Variants in RC3H2 observed in about 807,000 individuals in gnomAD.
RC3H2 encodes roquin-2.
RC3H2 carries 31 observed loss-of-function variants against 133.3 expected under a neutral mutation model. The observed-to-expected ratio is 0.23, with a 90% confidence interval of 0.17 to 0.31. RC3H2 has a LOEUF of 0.31. Ranked by LOEUF, RC3H2 falls within the 10% of genes least tolerant of loss-of-function variation. RC3H2 has a pLI of 1.00. For missense variants in RC3H2, 1,175 were observed against 1,437.2 expected, an observed-to-expected ratio of 0.82 and a Z score of 2.95; for synonymous variants, 517 against 502.2, an observed-to-expected ratio of 1.03 and a Z score of -0.40.
At chr9:122,894,112 A>G (rs1564318377) in intron 2 of RC3H2, among the ~76,000 whole-genome samples, 2 of 151,978 alleles carry the variant, frequency 1.3e-5, no homozygotes. Flanking sequence ...ACAAAAAATT[A>G]GCCGGGCGTG....
intron 4 of RC3H2, among the ~76,000 whole-genome samples, chr9:122,888,315 T>C (rs1832017808): frequency 1.3e-5 from 2 of 152,208 alleles, no homozygotes. Context: ...TTTTTAGGTA[T>C]TATTTTGATC....
In RC3H2 at chr9:122,875,423, A is replaced by T; in HGVS notation, c.1325+2048T>A. The T allele has an allele frequency of 2.0e-6, 3 of 1,463,716 alleles. No individual in the cohort carries two copies. The South Asian group carries it at 4.3e-5, about 21-fold the overall frequency. The allele number at this position is 1,463,716 out of a possible 1,614,324, so 90.7% of individuals were successfully genotyped here. ...CAGATCATGGGCCATAGTTTCTGTA[A>T]AGGGTTTTTATAAATAAAGTTTACA... On this transcript the variant is annotated intron_variant, in intron 9 of 20. Coordinates refer to ENST00000357244, the MANE Select transcript of RC3H2 (RefSeq NM_001100588.3).
rs764749498 is a variant in RC3H2 at position 122,859,974 on chromosome 9, A to G, written c.1792T>C (p.Tyr598His). ...ATCTGAGTCCTTGGATCTTGAAAAT[A>G]CTGAATGTTTTCAGAATGCGGAGGA... ...VYPPHSENIQ[Y>H]FQDPRTQIPF... The change falls in exon 11 of 21, where the codon TAT (tyrosine) becomes CAT (histidine). Residue 598 changes from tyrosine (Y) to histidine (H), a missense_variant. By Grantham distance (83) the Tyr-to-His change is moderately conservative. Around this residue, in one of 8 missense-constraint regions of RC3H2, gnomAD observed 490 missense variants for 492.8 expected, o/e 0.99. Transcript: ENST00000357244. The G allele has an allele frequency of 1.9e-6, 3 of 1,614,058 alleles. No individual in the cohort carries two copies. The South Asian group carries it at 3.3e-5, about 18-fold the overall frequency.
intron 1 of RC3H2, 25 bp downstream of exon 1, chr9:122,905,085 C>G: frequency 1.0e-6 from 1 of 985,282 alleles, no homozygotes; most frequent in Non-Finnish European, 1.2e-6. Context: ...GGGCCCGAGC[C>G]GCATCGTGCC....
intron 5 of RC3H2, 43 bp from the exon 6 acceptor site, chr9:122,880,837 T>C: frequency 7.0e-7 from 1 of 1,436,398 alleles, no homozygotes; most frequent in Non-Finnish European, 9.8e-7. Flanking sequence ...GTCTGTGCTT[T>C]CTCCCTTCAA....
At chr9:122,890,678 C>T (rs1832124265) in intron 3 of RC3H2, 133 bp from the exon 4 acceptor site, 3 of 660,010 alleles carry the variant, frequency 4.5e-6, no homozygotes, top group Non-Finnish European at 7.8e-6. Flanking sequence ...ATTTTTCTAA[C>T]AGTATTCTGT....
At position 122,849,573 on chromosome 9, in the gene RC3H2, G is replaced by C; in HGVS notation, c.*54C>G. ...ATAATATATATTATATATATAAAAAGCTAGTGTAAATGCTTCCATGGTGTG... is the reference window on the plus strand; with the variant it reads ...ATAATATATATTATATATATAAAAACCTAGTGTAAATGCTTCCATGGTGTG... On this transcript the variant is annotated 3_prime_UTR_variant, in exon 21 of 21. Transcript: ENST00000357244. The C allele has an allele frequency of 1.1e-6, 1 of 890,630 alleles. No individual in the cohort carries two copies. Among genetic ancestry groups the C allele is most frequent in the Non-Finnish European group, 1.7e-6 (1 of 592,792 alleles). The allele number at this position is 890,630 out of a possible 1,614,324, so 55.2% of individuals were successfully genotyped here.
chr9:122,875,947 G>C (rs1389690678), intron 9 of RC3H2, among the ~76,000 whole-genome samples: 2 of 152,214 alleles, frequency 1.3e-5, no homozygotes, highest in Non-Finnish European at 2.9e-5. Context: ...AGGGTGGTAT[G>C]AGTAAATCTG....
Position 122,849,799 on chromosome 9 carries a change from G to C in RC3H2, c.3404C>G (p.Pro1135Arg), listed in dbSNP as rs764724224. The C allele has an allele frequency of 4.5e-6, 7 of 1,566,880 alleles. No individual in the cohort carries two copies. In the East Asian group the frequency reaches 6.9e-5, roughly 15 times the overall value. ...TGGCTGGCTAAAGCAAGAAGTTACCGGCAGAATTGTTTTTTGCTCCTCCCT... is the reference window on the plus strand; with the variant it reads ...TGGCTGGCTAAAGCAAGAAGTTACCCGCAGAATTGTTTTTTGCTCCTCCCT... ...VILEEQKTIL[P>R]VTSCFSQPLP... The change falls in exon 21 of 21, where the codon CCG becomes CGG. Residue 1135 changes from proline to arginine, a missense_variant. Coordinates refer to ENST00000357244, the MANE Select transcript of RC3H2 (RefSeq NM_001100588.3).
At chr9:122,876,011 C>A (rs1030153964) in intron 9 of RC3H2, among the ~76,000 whole-genome samples, 1 of 151,784 alleles carries the variant, frequency 6.6e-6, no homozygotes, top group Non-Finnish European at 1.5e-5. Flanking sequence ...GGGTGGACAG[C>A]GAGAGATTTA....
chr9:122,880,711 A>G lies in RC3H2; in HGVS notation c.843T>C (p.Asp281=). 1 of 1,614,088 alleles carries G rather than the reference A, an allele frequency of 6.2e-7. No homozygotes were observed. The highest frequency in any genetic ancestry group is 8.5e-7 in the Non-Finnish European group (1 of 1,179,916). ...RSYEALRREH[D]AQIVHIAMEA... is the part of the protein sequence containing the mutation. ...CCATGGCAATATGAACAATTTGGGC[A>G]TCATGTTCTCTGCGTAATGCTTCAT... The change falls in exon 6 of 21, where the codon GAT becomes GAC. Residue 281 remains aspartate, a synonymous_variant. Transcript: ENST00000357244.
intron 9 of RC3H2, among the ~76,000 whole-genome samples, chr9:122,866,605 C>A (rs1830682274): frequency 6.6e-6 from 1 of 152,076 alleles, no homozygotes; most frequent in South Asian, 2.1e-4. Flanking sequence ...CGGGGTTTCA[C>A]TGTGTTGGCT....
chr9:122,854,292 A>G, intron 16 of RC3H2, 26 bp from the exon 17 acceptor site: 3 of 1,565,624 alleles, frequency 1.9e-6, no homozygotes, highest in Non-Finnish European at 2.6e-6. Flanking sequence ...TGTTTATTGT[A>G]ATAAAAGTGA....
At chr9:122,891,761 C>A (rs1344256379) in intron 3 of RC3H2, among the ~76,000 whole-genome samples, 1 of 152,188 alleles carries the variant, frequency 6.6e-6, no homozygotes, top group African/African-American at 2.4e-5. Flanking sequence ...ACATACACAA[C>A]AGTGCAAAGC....
At position 122,865,672 on chromosome 9, in the gene RC3H2, A is replaced by G. The variant is rs755208127; in HGVS notation, c.1326-15T>C. ...TTAATCGATACCTGTTTCAAAAACA[A>G]TCAACAGATTGGTGAATATTTCACT... On this transcript the variant is annotated splice_polypyrimidine_tract_variant and intron_variant, in intron 9 of 20. Transcript: ENST00000357244. 6.3e-7 allele frequency: 1 copy of G among 1,599,174 alleles called. No individual in the cohort carries two copies. Among genetic ancestry groups the G allele is most frequent in the African/African-American group, 1.3e-5 (1 of 74,808 alleles).
At chr9:122,892,504 C>T (rs1488120079) in intron 3 of RC3H2, among the ~76,000 whole-genome samples, 1 of 152,050 alleles carries the variant, frequency 6.6e-6, no homozygotes, top group East Asian at 1.9e-4. Context: ...CTCTGCCTCC[C>T]GGGTTCACGC....
chr9:122,860,064 C>G lies in RC3H2; in HGVS notation c.1702G>C (p.Val568Leu). Reference protein sequence around the residue: ...VAATSAGPSNVGTELNSVPQK... With the variant: ...VAATSAGPSNLGTELNSVPQK... Reference sequence around the variant, plus strand: ...GGCACAGAATTCAGCTCTGTTCCAACATTAGAGGGCCCAGCTGAGGTAGCT... The same window carrying G: ...GGCACAGAATTCAGCTCTGTTCCAAGATTAGAGGGCCCAGCTGAGGTAGCT... The change falls in exon 11 of 21, where the codon GTT becomes CTT. Residue 568 changes from valine to leucine, a missense_variant. By Grantham distance (32) the Val-to-Leu change is conservative. This residue lies in a region of RC3H2 where 490 missense variants were observed against 492.8 expected (regional missense o/e 0.99). Coordinates refer to ENST00000357244, the MANE Select transcript of RC3H2 (RefSeq NM_001100588.3). The G allele has an allele frequency of 1.9e-6, 3 of 1,614,070 alleles. No homozygotes were observed. Among genetic ancestry groups the G allele is most frequent in the Non-Finnish European group, 1.7e-6 (2 of 1,180,022 alleles).
intron 10 of RC3H2, among the ~76,000 whole-genome samples, chr9:122,862,724 G>A (rs528733976): frequency 3.9e-4 from 60 of 151,974 alleles, no homozygotes; most frequent in African/African-American, 1.4e-3. Flanking sequence ...GCGAAACCCC[G>A]TCTCTACTAA....
intron 9 of RC3H2, among the ~76,000 whole-genome samples, chr9:122,868,878 TGTGTGTGTGTGTATG>T (rs1431690888): frequency 4.8e-4 from 11 of 22,958 alleles, no homozygotes; most frequent in Non-Finnish European, 9.4e-4. Flanking sequence ...TGTGTGTGTG[TGTGTGTGTGTGTATG>T]TGTTTTTTTT....
Sources: gnomAD v4.1 joint callset for allele counts (sites outside exome capture counted in the v4.1 genomes callset) on GRCh38, gnomAD v4.1.1 for gene constraint, gnomAD v4.1.1 regional missense constraint, MANE v1.5 for transcripts, NCBI Gene and HGNC (gene_info 2026-07-23, HGNC 2026-07-21) for gene names.